The following CSMD1 variants were observed in gnomAD, a reference collection of about 807,000 sequenced individuals.
The protein encoded by CSMD1 is CUB and Sushi multiple domains 1, also known as CUB and sushi domain-containing protein 1.
Under a neutral mutation model 417.5 loss-of-function variants are expected in CSMD1, and 213 were observed. The ratio of observed to expected loss-of-function variants is 0.51; its 90% CI spans 0.46 to 0.57. The LOEUF is 0.57. CSMD1 is among the 20% of genes least tolerant of loss of function. The pLI, the probability that CSMD1 is intolerant of heterozygous loss-of-function variation, is 0.00. For synonymous variants in CSMD1, 2,862 were observed against 1,736.8 expected, an observed-to-expected ratio of 1.65 and a Z score of -16.11; for missense variants, 6,923 against 4,529.7, an observed-to-expected ratio of 1.53 and a Z score of -15.17.
chr8:3,786,047 G>A (rs1422918401), intron 5 of CSMD1, among the ~76,000 whole-genome samples: 3 of 152,150 alleles, frequency 2.0e-5, no homozygotes, highest in Admixed American at 6.5e-5. Flanking sequence ...CGGAAGAAGT[G>A]ATGTTTGGGA....
intron 2 of CSMD1, among the ~76,000 whole-genome samples, chr8:4,430,882 C>T (rs1018715881): frequency 1.3e-5 from 2 of 152,170 alleles, no homozygotes; most frequent in African/African-American, 4.8e-5. Flanking sequence ...GTGTGATCAG[C>T]ACCAGCTTCT....
At chr8:4,901,117 A>G (rs1804843330) in intron 1 of CSMD1, among the ~76,000 whole-genome samples, 1 of 152,256 alleles carries the variant, frequency 6.6e-6, no homozygotes, top group Non-Finnish European at 1.5e-5. Flanking sequence ...CCTCGTCAGT[A>G]TTACACAGCA....
chr8:4,945,195 G>C (rs1231377944), intron 1 of CSMD1, among the ~76,000 whole-genome samples: 2 of 152,182 alleles, frequency 1.3e-5, no homozygotes, highest in East Asian at 1.9e-4. Context: ...TTGTAGAGCA[G>C]TGAAATCCTT....
intron 6 of CSMD1, among the ~76,000 whole-genome samples, chr8:3,741,878 C>T (rs895610593): frequency 1.1e-4 from 17 of 152,130 alleles, no homozygotes; most frequent in Admixed American, 2.0e-4. Flanking sequence ...GTAAAGGTTC[C>T]AATTCCTTAC....
chr8:3,720,444 C>G (rs141508110), intron 6 of CSMD1, among the ~76,000 whole-genome samples: 14 of 152,306 alleles, frequency 9.2e-5, no homozygotes, highest in African/African-American at 3.4e-4. Flanking sequence ...TTAAGCACTT[C>G]AACAGAATAC....
intron 28 of CSMD1, among the ~76,000 whole-genome samples, chr8:3,222,565 T>G (rs1425302052): frequency 1.3e-5 from 2 of 152,158 alleles, no homozygotes; most frequent in Non-Finnish European, 2.9e-5. Flanking sequence ...CATCTTGGCC[T>G]CCTGAAATGC....
chr8:3,704,446 C>T (rs1335834935), intron 7 of CSMD1, among the ~76,000 whole-genome samples: 1 of 152,160 alleles, frequency 6.6e-6, no homozygotes, highest in African/African-American at 2.4e-5. Context: ...GTACTTTGTA[C>T]TTGCCTAGGG....
chr8:4,459,100 A>G (rs991288582), intron 2 of CSMD1, among the ~76,000 whole-genome samples: 7 of 152,202 alleles, frequency 4.6e-5, no homozygotes, highest in Non-Finnish European at 8.8e-5. Flanking sequence ...CAGCCAGGGT[A>G]CGCTTCTAAC....
intron 3 of CSMD1, among the ~76,000 whole-genome samples, chr8:4,215,811 A>G (rs1294052509): frequency 1.3e-5 from 2 of 152,214 alleles, no homozygotes; most frequent in Non-Finnish European, 2.9e-5. Flanking sequence ...TTCTGGCACT[A>G]ACATTTCAAA....
intron 5 of CSMD1, among the ~76,000 whole-genome samples, chr8:3,892,883 G>T (rs1292180795): frequency 6.6e-5 from 10 of 152,004 alleles, no homozygotes; most frequent in African/African-American, 2.4e-4. Context: ...GAGTGGAGAG[G>T]ATGGCAAGCG....
chr8:3,424,445 G>T (rs146525791), intron 12 of CSMD1, among the ~76,000 whole-genome samples: 7 of 152,166 alleles, frequency 4.6e-5, no homozygotes, highest in Admixed American at 4.6e-4. Flanking sequence ...TCTAGTCTGT[G>T]TATTTATTCA....
At chr8:3,567,210 C>G (rs1361603675) in intron 10 of CSMD1, among the ~76,000 whole-genome samples, 1 of 151,766 alleles carries the variant, frequency 6.6e-6, no homozygotes, top group Non-Finnish European at 1.5e-5. Context: ...TAGGTGGGCA[C>G]CAAATGGTGA....
At chr8:3,594,507 G>T (rs1158422345) in intron 8 of CSMD1, among the ~76,000 whole-genome samples, 1 of 152,036 alleles carries the variant, frequency 6.6e-6, no homozygotes, top group African/African-American at 2.4e-5. Flanking sequence ...TCAGACAATT[G>T]CATATAACTT....
chr8:3,268,362 C>T (rs1389372443), intron 26 of CSMD1, among the ~76,000 whole-genome samples: 2 of 134,548 alleles, frequency 1.5e-5, no homozygotes, highest in African/African-American at 5.6e-5. Flanking sequence ...GATCTCAGCT[C>T]ACTGCAAGCT....
intron 6 of CSMD1, among the ~76,000 whole-genome samples, chr8:3,725,572 G>T (rs1802434095): frequency 6.6e-6 from 1 of 152,146 alleles, no homozygotes; most frequent in South Asian, 2.1e-4. Context: ...AGTAGAAACA[G>T]TTGAGGAGAG....
intron 2 of CSMD1, among the ~76,000 whole-genome samples, chr8:4,551,011 A>T (rs527517925): frequency 2.5e-4 from 38 of 152,330 alleles, no homozygotes; most frequent in African/African-American, 9.1e-4. Context: ...TAATATCAGG[A>T]TTTATAAAAT....
intron 1 of CSMD1, among the ~76,000 whole-genome samples, chr8:4,936,536 T>G (rs1017349478): frequency 6.6e-6 from 1 of 152,208 alleles, no homozygotes; most frequent in African/African-American, 2.4e-5. Context: ...CCTTCGTGAA[T>G]AAATGTTTGG....
intron 3 of CSMD1, among the ~76,000 whole-genome samples, chr8:4,380,887 G>A (rs914828113): frequency 1.3e-5 from 2 of 151,888 alleles, no homozygotes; most frequent in African/African-American, 4.8e-5. Flanking sequence ...TTATATTTTA[G>A]GTAGTAATAA....
At chr8:4,167,194 G>C (rs74887665) in intron 3 of CSMD1, among the ~76,000 whole-genome samples, 2 of 152,056 alleles carry the variant, frequency 1.3e-5, no homozygotes, top group African/African-American at 2.4e-5. Context: ...TTTTTCCAGA[G>C]GGCCTGTATT....
Sources: allele counts gnomAD v4.1 joint callset (sites outside exome capture counted in the v4.1 genomes callset), GRCh38; gene constraint gnomAD v4.1.1; transcripts MANE v1.5; gene names NCBI Gene and HGNC (gene_info 2026-07-23, HGNC 2026-07-21).